Variants in AGBL1 observed in about 807,000 individuals in gnomAD.
The protein encoded by AGBL1 is cytosolic carboxypeptidase 4.
In AGBL1, 130 loss-of-function variants were observed where a neutral mutation model predicts 118.9. The ratio of observed to expected loss-of-function variants is 1.09; its 90% CI spans 0.95 to 1.26. AGBL1 has a LOEUF of 1.26. Ranked by LOEUF, AGBL1 falls within the 50% of genes most tolerant of loss-of-function variation. AGBL1 has a pLI of 0.00. For missense variants in AGBL1, 1,584 were observed against 1,298.1 expected (o/e 1.22, Z -3.38); for synonymous variants, 555 against 478.9 (o/e 1.16, Z -2.08).
intron 22 of AGBL1, among the ~76,000 whole-genome samples, chr15:86,725,868 C>T (rs547668062): frequency 6.0e-4 from 91 of 152,282 alleles, no homozygotes; most frequent in Admixed American, 2.1e-3. Flanking sequence ...TAAAGCCCTT[C>T]TAAGTATAGC....
intron 6 of AGBL1, among the ~76,000 whole-genome samples, chr15:86,236,831 T>C (rs1221393138): frequency 7.0e-6 from 1 of 143,554 alleles, no homozygotes; most frequent in Non-Finnish European, 1.6e-5. Context: ...ACCAGGCGTG[T>C]CATTCACATA....
chr15:86,968,844 A>G (rs1045772835), intron 23 of AGBL1, among the ~76,000 whole-genome samples: 1 of 151,886 alleles, frequency 6.6e-6, no homozygotes, highest in African/African-American at 2.4e-5. Flanking sequence ...CTTGTTACTC[A>G]CAGATGGAGA....
chr15:86,666,481 A>ATTCCTT (rs2085647243), intron 21 of AGBL1, among the ~76,000 whole-genome samples: 1 of 152,122 alleles, frequency 6.6e-6, no homozygotes, highest in Non-Finnish European at 1.5e-5. Context: ...AATGAAGATA[A>ATTCCTT]TGTGATTATT....
At chr15:87,022,205 C>T (rs1000460557) in intron 24 of AGBL1, among the ~76,000 whole-genome samples, 4 of 151,916 alleles carry the variant, frequency 2.6e-5, no homozygotes, top group Non-Finnish European at 5.9e-5. Flanking sequence ...CAGAGTCTAC[C>T]CAAATGAGAA....
chr15:86,917,335 C>G (rs2080436380), downstream of AGBL1, among the ~76,000 whole-genome samples: 1 of 152,214 alleles, frequency 6.6e-6, no homozygotes, highest in Admixed American at 6.5e-5. This position sits in a 1 kb window ranked among gnomAD's most constrained non-coding sequence, Gnocchi z 4.8. Flanking sequence ...CCTCATCGAC[C>G]TTGTCTCTCA....
At chr15:86,825,435 A>C (rs2078994962) in intron 22 of AGBL1, among the ~76,000 whole-genome samples, 1 of 143,632 alleles carries the variant, frequency 7.0e-6, no homozygotes, top group East Asian at 2.2e-4. Flanking sequence ...GTTGCAAGCC[A>C]GATATCTGGG....
rs181713673 is a variant in AGBL1, at chr15:86,715,854, C to T, written c.3158+41418C>T. ...CGGGCGGATCACAAGGTCAGGAGATCGAGACCATCCTGGCTAACATGGTGA... is the reference window on the plus strand; with the variant it reads ...CGGGCGGATCACAAGGTCAGGAGATTGAGACCATCCTGGCTAACATGGTGA... On this transcript the variant is annotated intron_variant, in intron 22 of 22. Coordinates refer to ENST00000614907, the MANE Select transcript of AGBL1 (RefSeq NM_001386094.1). Among the ~76,000 whole-genome samples, 681 of 151,954 alleles carry T rather than the reference C, an allele frequency of 4.5e-3. 23 individuals carry two copies. Among genetic ancestry groups the T allele is most frequent in the Non-Finnish European group, 1.0e-3 (68 of 67,942 alleles).
chr15:86,346,348 CTTTT>C (rs1219843407), intron 17 of AGBL1, among the ~76,000 whole-genome samples: 2 of 150,196 alleles, frequency 1.3e-5, no homozygotes, highest in African/African-American at 4.9e-5. Context: ...CTTTTCTTTT[CTTTT>C]TCTTTTTTTT....
intron 22 of AGBL1, among the ~76,000 whole-genome samples, chr15:86,705,970 A>G (rs74025436): frequency 0.015 from 674 of 45,540 alleles, 5 homozygotes; most frequent in African/African-American, 0.1. Flanking sequence ...CATCTTTTGG[A>G]AAAAAAAAAC....
intron 22 of AGBL1, among the ~76,000 whole-genome samples, chr15:86,896,058 T>C (rs1300646570): frequency 6.6e-6 from 1 of 152,146 alleles, no homozygotes; most frequent in African/African-American, 2.4e-5. Context: ...ATTTAACCAT[T>C]CTATTAAGCT....
At chr15:86,229,126 C>T (rs555970716) in intron 6 of AGBL1, among the ~76,000 whole-genome samples, 50 of 152,282 alleles carry the variant, frequency 3.3e-4, no homozygotes, top group African/African-American at 1.2e-3. Context: ...GGAAATAGTG[C>T]TACTTATTAT....
At chr15:86,813,558 C>T (rs1174047688) in intron 22 of AGBL1, among the ~76,000 whole-genome samples, 1 of 152,184 alleles carries the variant, frequency 6.6e-6, no homozygotes, top group Non-Finnish European at 1.5e-5. Context: ...GCACTGAAAG[C>T]TGTCATCCTA....
At chr15:86,558,639 C>A (rs1292149780) in intron 21 of AGBL1, among the ~76,000 whole-genome samples, 2 of 152,144 alleles carry the variant, frequency 1.3e-5, no homozygotes, top group African/African-American at 4.8e-5. Flanking sequence ...ATAAAACATG[C>A]ATGCTGGAAC....
At chr15:86,733,235 G>C (rs1337352230) in intron 22 of AGBL1, among the ~76,000 whole-genome samples, 1 of 152,050 alleles carries the variant, frequency 6.6e-6, no homozygotes, top group African/African-American at 2.4e-5. Flanking sequence ...TGGGGATAAG[G>C]GGTGGGGGTA....
chr15:86,198,816 C>A (rs2077858185), intron 5 of AGBL1, among the ~76,000 whole-genome samples: 1 of 152,142 alleles, frequency 6.6e-6, no homozygotes, highest in South Asian at 2.1e-4. Context: ...GGACTTCCAG[C>A]CTCTAGACTG....
At chr15:86,782,981 GTTTGT>G (rs898164134) in intron 22 of AGBL1, among the ~76,000 whole-genome samples, 1 of 152,078 alleles carries the variant, frequency 6.6e-6, no homozygotes, top group African/African-American at 2.4e-5. Context: ...TTCCTTGTTT[GTTTGT>G]TTTAAGTGAT....
chr15:86,294,847 C>T (rs2079606759), intron 16 of AGBL1, among the ~76,000 whole-genome samples: 1 of 152,128 alleles, frequency 6.6e-6, no homozygotes, highest in African/African-American at 2.4e-5. Flanking sequence ...TTAGGGTATC[C>T]ATCACCCAAA....
At chr15:86,184,620 TTTGGTCTTTTCACATAGTCCCATATTTC>T (rs1161969175) in intron 5 of AGBL1, among the ~76,000 whole-genome samples, 2 of 152,146 alleles carry the variant, frequency 1.3e-5, no homozygotes, top group Admixed American at 1.3e-4. Flanking sequence ...CAAACGTAGA[TTTGGTCTTTTCACATAGTCCCATATTTC>T]TTGGAGGCTT....
chr15:86,852,917 A>G (rs1472246489), intron 22 of AGBL1, among the ~76,000 whole-genome samples: 1 of 152,152 alleles, frequency 6.6e-6, no homozygotes, highest in Non-Finnish European at 1.5e-5. Context: ...TTAAATCAGA[A>G]TCTCTGGGCA....
Sources: allele counts gnomAD v4.1 joint callset (sites outside exome capture counted in the v4.1 genomes callset), GRCh38; gene constraint gnomAD v4.1.1; non-coding constraint Gnocchi (gnomAD v3.1); transcripts MANE v1.5; gene names NCBI Gene and HGNC (gene_info 2026-07-23, HGNC 2026-07-21).